MYBPC2: variants seen among roughly 807,000 people sequenced by gnomAD.
The protein encoded by MYBPC2 is myosin-binding protein C, fast-type.
MYBPC2 carries 122 observed loss-of-function variants against 137.0 expected under a neutral mutation model. That is an observed-to-expected ratio of 0.89 (90% CI 0.77 to 1.03). The LOEUF is 1.03. MYBPC2 is among the 50% of genes least tolerant of loss of function. The pLI is 0.00. For missense variants in MYBPC2, 1,500 were observed against 1,534.4 expected, an observed-to-expected ratio of 0.98 and a Z score of 0.37; for synonymous variants, 626 against 612.3, an observed-to-expected ratio of 1.02 and a Z score of -0.33.
intron 10 of MYBPC2, 46 bp from the exon 11 acceptor site, chr19:50,443,665 G>A: frequency 6.2e-7 from 1 of 1,611,434 alleles, no homozygotes; most frequent in Non-Finnish European, 8.5e-7. Context: ...CTGGAACTCT[G>A]GAGGGGGTCC....
chr19:50,447,397 A>C (rs1304047690), intron 12 of MYBPC2, among the ~76,000 whole-genome samples: 1 of 152,182 alleles, frequency 6.6e-6, no homozygotes, highest in East Asian at 1.9e-4. Context: ...TTATGGGTCA[A>C]ACAAATGATG....
intron 1 of MYBPC2, among the ~76,000 whole-genome samples, chr19:50,434,761 C>T (rs1601278933): frequency 6.6e-6 from 1 of 152,144 alleles, no homozygotes; most frequent in Admixed American, 6.5e-5. Flanking sequence ...CAGACCCAGC[C>T]GGCAAGGAAC....
chr19:50,441,253 G>A (rs1361156447), intron 8 of MYBPC2, among the ~76,000 whole-genome samples, 177 bp downstream of exon 8: 1 of 152,126 alleles, frequency 6.6e-6, no homozygotes, highest in Non-Finnish European at 1.5e-5. Flanking sequence ...GCTAAAACAG[G>A]GACAGGGTGG....
chr19:50,459,436 G>T (rs2039948573), intron 23 of MYBPC2, 130 bp downstream of exon 23: 1 of 631,854 alleles, frequency 1.6e-6, no homozygotes, highest in South Asian at 1.9e-5. Flanking sequence ...TGAGATGAGG[G>T]ATGGGAGAGG....
chr19:50,455,151 G>A lies in MYBPC2; in HGVS notation c.2058G>A (p.Met686Ile), dbSNP rs1167454131. Residue 686 changes from methionine to isoleucine, a missense_variant, in exon 19 of 28, where the codon ATG becomes ATA. By Grantham distance (10) the Met-to-Ile change is conservative (BLOSUM62 1). Transcript: ENST00000357701. ...ERKKKGSQRW[M>I]KLNFEVFTET... ...AGAAGAAGGGCTCTCAGCGCTGGAT[G>A]AAGCTGAACTTTGAGGTCTTCACAG... 2 of 1,613,814 alleles carry A rather than the reference G, an allele frequency of 1.2e-6. No individual in the cohort carries two copies. Among genetic ancestry groups the A allele is most frequent in the Admixed American group, 3.3e-5 (2 of 60,002 alleles).
intron 13 of MYBPC2, among the ~76,000 whole-genome samples, chr19:50,449,100 G>T (rs2039833725): frequency 6.6e-6 from 1 of 152,098 alleles, no homozygotes. Context: ...TGTAATCTTG[G>T]CACTTTGGGA....
chr19:50,449,845 C>T (rs963364935), intron 13 of MYBPC2, among the ~76,000 whole-genome samples: 7 of 151,966 alleles, frequency 4.6e-5, no homozygotes, highest in African/African-American at 1.2e-4. Flanking sequence ...GGAACCATGC[C>T]GGCTGGTGGT....
intron 23 of MYBPC2, among the ~76,000 whole-genome samples, 195 bp downstream of exon 23, chr19:50,459,501 G>A (rs2039950047): frequency 6.9e-5 from 1 of 14,538 alleles, no homozygotes; most frequent in Non-Finnish European, 1.5e-4. Context: ...GGGAGAGGAG[G>A]TGAGATGGGG....
chr19:50,437,610 G>T, intron 6 of MYBPC2, 49 bp from the exon 7 acceptor site: 1 of 1,592,680 alleles, frequency 6.3e-7, no homozygotes, highest in Non-Finnish European at 8.6e-7. Context: ...GGGAAGGCAA[G>T]GGGTGAATCT....
chr19:50,439,119 A>G (rs982123408), intron 7 of MYBPC2, among the ~76,000 whole-genome samples: 1 of 144,668 alleles, frequency 6.9e-6, no homozygotes, highest in Non-Finnish European at 1.5e-5. Flanking sequence ...CAACCCATCA[A>G]TCCATCCACC....
In MYBPC2 at chr19:50,455,506, G is replaced by A. The variant is rs936376255; in HGVS notation, c.2204-4G>A. On this transcript the variant is annotated splice_region_variant and splice_polypyrimidine_tract_variant and intron_variant, in intron 19 of 27. Coordinates refer to ENST00000357701, the MANE Select transcript of MYBPC2 (RefSeq NM_004533.4). ...CCATATCCTCTTTTTCTGGATGCTT[G>A]CAGCACCCACGAGTGAACCCCTGCA... is the stretch of plus-strand genomic sequence containing the variant. The A allele has an allele frequency of 6.2e-7, 1 of 1,611,800 alleles. No individual in the cohort carries two copies. The highest frequency in any genetic ancestry group is 1.3e-5 in the African/African-American group (1 of 74,738).
chr19:50,444,162 CCATCCAT>C (rs1466942349), intron 11 of MYBPC2, among the ~76,000 whole-genome samples: 1 of 149,536 alleles, frequency 6.7e-6, no homozygotes, highest in Non-Finnish European at 1.5e-5. Flanking sequence ...ATCCATCCAT[CCATCCAT>C]CCATCCATCC....
At chr19:50,443,201 G>A (rs2039771747) in intron 9 of MYBPC2, among the ~76,000 whole-genome samples, 2 of 152,292 alleles carry the variant, frequency 1.3e-5, no homozygotes, top group Admixed American at 6.5e-5. Context: ...GTGTGCACCT[G>A]TGATCCTAGC....
At chr19:50,443,962 C>A in intron 11 of MYBPC2, 146 bp downstream of exon 11, 1 of 736,330 alleles carries the variant, frequency 1.4e-6, no homozygotes, top group East Asian at 2.8e-5. Context: ...CAGCTTTTCT[C>A]TATAAATCCT....
intron 27 of MYBPC2, among the ~76,000 whole-genome samples, chr19:50,464,927 A>G (rs1025629572): frequency 6.6e-6 from 1 of 152,014 alleles, no homozygotes; most frequent in Non-Finnish European, 1.5e-5. Context: ...GCCTCCCTCC[A>G]TAGCCTGTCC....
chr19:50,436,538 G>A, intron 4 of MYBPC2, 79 bp from the exon 5 acceptor site: 1 of 1,283,892 alleles, frequency 7.8e-7, no homozygotes, highest in Non-Finnish European at 1.1e-6. Context: ...TGGAGATAGA[G>A]CTATGAGTGG....
intron 24 of MYBPC2, among the ~76,000 whole-genome samples, chr19:50,460,749 A>G (rs1362204550): frequency 6.6e-6 from 1 of 152,050 alleles, no homozygotes; most frequent in Admixed American, 6.6e-5. Context: ...CCCAGGCTGG[A>G]GTGCAGTGGT....
rs769231342 is a variant in MYBPC2 at position 50,466,201 on chromosome 19, A to G, written c.3422A>G (p.Gln1141Arg). Residue 1141 changes from glutamine (Q) to arginine (R), a missense_variant, in exon 28 of 28, where the codon CAG (glutamine) becomes CGG (arginine). Coordinates refer to ENST00000357701, the MANE Select transcript of MYBPC2 (RefSeq NM_004533.4). This position sits in a 1 kb window ranked among gnomAD's most constrained non-coding sequence, Gnocchi z 4.9. ...CTTTCTCGTTTTCCTGCAGTGCCGC[A>G]GTGAGACCTGTCCCCTACCTGCCAA... ...AECKLEVRVP[Q>R] is the part of the protein sequence containing the mutation. 2 of 1,613,686 alleles carry G rather than the reference A, an allele frequency of 1.2e-6. No homozygotes were observed. Among genetic ancestry groups the G allele is most frequent in the South Asian group, 2.2e-5 (2 of 91,066 alleles).
chr19:50,459,114 A>G lies in MYBPC2; in HGVS notation c.2599A>G (p.Lys867Glu). The change falls in exon 23 of 28, where the codon AAG (lysine) becomes GAG (glutamate). Residue 867 changes from lysine (K) to glutamate (E), a missense_variant. Coordinates refer to ENST00000357701, the MANE Select transcript of MYBPC2 (RefSeq NM_004533.4). Reference sequence around the variant, plus strand: ...CCGCCCCGCCCTCTCCCCGCAGGGAAAGCCCCGGCCCCAGGTGGTGTGGAC... The same window carrying G: ...CCGCCCCGCCCTCTCCCCGCAGGGAGAGCCCCGGCCCCAGGTGGTGTGGAC... ...QLNLVVPFQG[K>E]PRPQVVWTKG... 6.4e-7 allele frequency: 1 copy of G among 1,559,976 alleles called. No homozygotes were observed. Among genetic ancestry groups the G allele is most frequent in the Non-Finnish European group, 8.7e-7 (1 of 1,153,394 alleles).
Sources: allele counts gnomAD v4.1 joint callset (sites outside exome capture counted in the v4.1 genomes callset), GRCh38; gene constraint gnomAD v4.1.1; non-coding constraint Gnocchi (gnomAD v3.1); transcripts MANE v1.5; gene names NCBI Gene and HGNC (gene_info 2026-07-23, HGNC 2026-07-21).